KALRN: variants seen among roughly 807,000 people sequenced by gnomAD.
The protein encoded by KALRN is kalirin.
KALRN carries 70 observed loss-of-function variants against 353.7 expected under a neutral mutation model. That is an observed-to-expected ratio of 0.20 (90% CI 0.16 to 0.24). The LOEUF is 0.24. Ranked by LOEUF, KALRN falls within the 10% of genes least tolerant of loss-of-function variation. The probability of loss-of-function intolerance (pLI) is 1.00; values close to 1 mark genes in which losing one functional copy is unlikely to be tolerated. For missense variants in KALRN, 2,791 were observed against 3,756.7 expected, an observed-to-expected ratio of 0.74 and a Z score of 6.72; for synonymous variants, 1,391 against 1,434.8, an observed-to-expected ratio of 0.97 and a Z score of 0.69.
At chr3:124,562,767 A>G in intron 33 of KALRN, 76 bp from the exon 34 acceptor site, 4 of 1,228,070 alleles carry the variant, frequency 3.3e-6, no homozygotes, top group Non-Finnish European at 4.3e-6. Context: ...GTCCCCTCTC[A>G]CCAACCCTCT....
At chr3:124,412,040 A>G (rs1402850594) in intron 13 of KALRN, among the ~76,000 whole-genome samples, 2 of 152,166 alleles carry the variant, frequency 1.3e-5, no homozygotes, top group Non-Finnish European at 2.9e-5. Context: ...AGAAAGTACA[A>G]TTTAATCTGT....
chr3:124,658,200 G>C (rs2084334123), intron 41 of KALRN, among the ~76,000 whole-genome samples: 1 of 152,066 alleles, frequency 6.6e-6, no homozygotes, highest in Admixed American at 6.5e-5. Context: ...GCTCTTCCTT[G>C]AGTGACCTTC....
intron 53 of KALRN, 125 bp downstream of exon 53, chr3:124,694,628 CCTGT>C: frequency 1.1e-6 from 1 of 926,860 alleles, no homozygotes; most frequent in Non-Finnish European, 1.6e-6. Flanking sequence ...TGCCCTGGAG[CCTGT>C]TCTTGGGCAA....
At chr3:124,227,685 T>TTTTG (rs2078706772) in intron 1 of KALRN, among the ~76,000 whole-genome samples, 1 of 129,176 alleles carries the variant, frequency 7.7e-6, no homozygotes, top group Non-Finnish European at 1.7e-5. Flanking sequence ...TTTTTTTTTT[T>TTTTG]TTTTTTTTTT....
At chr3:124,586,038 C>T (rs1347177753) in intron 34 of KALRN, among the ~76,000 whole-genome samples, 4 of 152,216 alleles carry the variant, frequency 2.6e-5, no homozygotes, top group Non-Finnish European at 5.9e-5. Context: ...AATGACTTTT[C>T]CTGCGCGTCA....
At chr3:124,231,715 T>A (rs886088367) in intron 2 of KALRN, among the ~76,000 whole-genome samples, 7 of 152,064 alleles carry the variant, frequency 4.6e-5, no homozygotes, top group Non-Finnish European at 7.4e-5. Context: ...AACTTTATTT[T>A]TTTTTTTTAA....
chr3:124,316,040 G>C (rs984155025), intron 6 of KALRN, among the ~76,000 whole-genome samples: 1 of 152,156 alleles, frequency 6.6e-6, no homozygotes, highest in Non-Finnish European at 1.5e-5. Flanking sequence ...AGGACGAGAC[G>C]GGCGGATGAG....
intron 1 of KALRN, among the ~76,000 whole-genome samples, chr3:124,077,699 C>G (rs1210789199): frequency 6.6e-6 from 1 of 152,226 alleles, no homozygotes; most frequent in East Asian, 1.9e-4. Flanking sequence ...GACTCCCAAT[C>G]TATTCTCCCC....
intron 1 of KALRN, among the ~76,000 whole-genome samples, chr3:124,083,372 G>T (rs1252167669): frequency 2.0e-5 from 3 of 152,104 alleles, no homozygotes; most frequent in Non-Finnish European, 4.4e-5. Context: ...AGTTGGCCAG[G>T]AAGGCTTCCT....
intron 37 of KALRN, among the ~76,000 whole-genome samples, chr3:124,644,013 A>G (rs1443296828): frequency 6.6e-6 from 1 of 152,220 alleles, no homozygotes; most frequent in Non-Finnish European, 1.5e-5. Context: ...CTTATTTAAC[A>G]AAAATTCCAA....
chr3:124,120,520 C>G (rs553472496), intron 1 of KALRN, among the ~76,000 whole-genome samples: 11 of 152,066 alleles, frequency 7.2e-5, no homozygotes, highest in African/African-American at 2.4e-4. Context: ...TTTTCTAAAT[C>G]TAGAGTGCGA....
intron 1 of KALRN, among the ~76,000 whole-genome samples, chr3:124,135,874 T>C (rs2065864267): frequency 6.6e-6 from 1 of 152,162 alleles, no homozygotes; most frequent in Non-Finnish European, 1.5e-5. Flanking sequence ...ATCTGCTATA[T>C]ACTGGGCATT....
chr3:124,092,673 G>GC (rs1247901904), intron 1 of KALRN, among the ~76,000 whole-genome samples: 1 of 152,142 alleles, frequency 6.6e-6, no homozygotes, highest in Non-Finnish European at 1.5e-5. Context: ...ATCTCTTAGT[G>GC]CCCCAGAAAC....
chr3:124,306,975 A>G (rs1433354264), intron 6 of KALRN, among the ~76,000 whole-genome samples: 3 of 152,226 alleles, frequency 2.0e-5, no homozygotes, highest in African/African-American at 7.2e-5. Context: ...TTTCTAGCAG[A>G]TACACCTTAT....
In KALRN at chr3:124,236,387, A is replaced by G. The variant is rs978093997; in HGVS notation, c.263+1444A>G. 2.0e-5 allele frequency among the ~76,000 whole-genome samples: 3 copies of G among 152,190 alleles called. No homozygotes were observed. The East Asian group carries it at 5.8e-4, about 29-fold the overall frequency. ...CGTGATTGATATAGGTAATTTAGCAATTTAGCCATCTAGGAGCTAAGCAGT... is the reference window on the plus strand; with the variant it reads ...CGTGATTGATATAGGTAATTTAGCAGTTTAGCCATCTAGGAGCTAAGCAGT... On this transcript the variant is annotated intron_variant, in intron 3 of 59. Coordinates refer to ENST00000682506, the MANE Select transcript of KALRN (RefSeq NM_001388419.1).
chr3:124,066,132 G>A (rs1486656687), intron 1 of KALRN, among the ~76,000 whole-genome samples: 3 of 152,170 alleles, frequency 2.0e-5, no homozygotes, highest in Non-Finnish European at 4.4e-5. Context: ...CTAGGTGGGA[G>A]AGCATATTAG....
chr3:124,620,941 C>T (rs956671168), intron 34 of KALRN, among the ~76,000 whole-genome samples: 4 of 152,170 alleles, frequency 2.6e-5, no homozygotes, highest in African/African-American at 2.4e-5. Flanking sequence ...GGGCCAGGGT[C>T]GTGGGGAGGA....
chr3:124,464,205 C>T (rs1453174415), intron 25 of KALRN, among the ~76,000 whole-genome samples: 1 of 152,196 alleles, frequency 6.6e-6, no homozygotes. Context: ...CTTATGGTCT[C>T]TGGGATTTAC....
At chr3:124,696,334 G>T in intron 54 of KALRN, 79 bp downstream of exon 54, 1 of 1,419,438 alleles carries the variant, frequency 7.0e-7, no homozygotes, top group Non-Finnish European at 9.7e-7. Context: ...GCCCAGGCAT[G>T]ATCTCTGTTC....
Sources: allele counts gnomAD v4.1 joint callset (sites outside exome capture counted in the v4.1 genomes callset), GRCh38; gene constraint gnomAD v4.1.1; transcripts MANE v1.5; gene names NCBI Gene and HGNC (gene_info 2026-07-23, HGNC 2026-07-21).